Variants in VWCE observed in about 807,000 individuals in gnomAD.
VWCE encodes von Willebrand factor C and EGF domain-containing protein.
VWCE carries 68 observed loss-of-function variants against 102.9 expected under a neutral mutation model. That is an observed-to-expected ratio of 0.66 (90% CI 0.54 to 0.81). The LOEUF (loss-of-function observed/expected upper bound fraction) is 0.81. Ranked by LOEUF, VWCE falls within the 30% of genes least tolerant of loss-of-function variation. The pLI is 0.00. For synonymous variants in VWCE, 497 were observed against 515.4 expected (o/e 0.96, Z 0.48); for missense variants, 1,137 against 1,263.6 (o/e 0.90, Z 1.52).
intron 5 of VWCE, 28 bp downstream of exon 5, chr11:61,286,286 G>A: frequency 6.3e-7 from 1 of 1,595,478 alleles, no homozygotes; most frequent in Non-Finnish European, 8.5e-7. Context: ...ACCCCTCCCA[G>A]AGCAGCCATT....
intron 19 of VWCE, among the ~76,000 whole-genome samples, 175 bp from the exon 20 acceptor site, chr11:61,259,487 C>T (rs1484170058): frequency 2.6e-5 from 4 of 152,266 alleles, no homozygotes; most frequent in South Asian, 2.1e-4. Context: ...GAGCCATGAA[C>T]GGAGGGAGGC....
intron 4 of VWCE, 24 bp downstream of exon 4, chr11:61,290,775 C>A: frequency 6.3e-7 from 1 of 1,584,686 alleles, no homozygotes; most frequent in Non-Finnish European, 8.6e-7. Flanking sequence ...CCTCCCCCTC[C>A]CCCACCACTC....
chr11:61,259,093 G>A lies in VWCE; in HGVS notation c.2450C>T (p.Pro817Leu), dbSNP rs199774187. 2,564 of 1,614,008 alleles carry A rather than the reference G, an allele frequency of 1.6e-3. 58 individuals carry two copies. In the South Asian group the frequency reaches 0.026, roughly 16 times the overall value. The change falls in exon 20 of 20, where the codon CCG (proline) becomes CTG (leucine). Residue 817 changes from proline to leucine, a missense_variant. By Grantham distance (98) the Pro-to-Leu change is moderately conservative. This residue lies in a region of VWCE where 316 missense variants were observed against 319.3 expected (regional missense o/e 0.99). Transcript: ENST00000335613. ...LMKTQTLPTS[P>L]AGAHGPHSLA... ...TGAGTGTGGACCATGAGCTCCTGCC[G>A]GGCTTGTAGGTAAAGTCTGTGTTTT...
At position 61,259,141 on chromosome 11, in the gene VWCE, A is replaced by C; in HGVS notation, c.2402T>G (p.Leu801Arg). ...PSRPVLHLLQ[L>R]LLRTNLMKTQ... Reference sequence around the variant, plus strand: ...TTTCATCAAGTTCGTTCTTAAAAGGAGCTGGAGGAGATGAAGCACCGGCCT... The same window carrying C: ...TTTCATCAAGTTCGTTCTTAAAAGGCGCTGGAGGAGATGAAGCACCGGCCT... The change falls in exon 20 of 20, where the codon CTC becomes CGC. Residue 801 changes from leucine (L) to arginine (R), a missense_variant. Around this residue, in one of 5 missense-constraint regions of VWCE, gnomAD observed 316 missense variants for 319.3 expected, o/e 0.99. Coordinates refer to ENST00000335613, the MANE Select transcript of VWCE (RefSeq NM_152718.2). 5.0e-6 allele frequency: 8 copies of C among 1,614,040 alleles called. No homozygotes were observed. The highest frequency in any genetic ancestry group is 6.8e-6 in the Non-Finnish European group (8 of 1,179,994).
Position 61,258,300 on chromosome 11 carries a change from C to A in VWCE, c.*375G>T. The A allele has an allele frequency of 6.1e-6, 1 of 164,170 alleles. No homozygotes were observed. The highest frequency in any genetic ancestry group is 1.3e-5 in the Non-Finnish European group (1 of 76,320). The allele number at this position is 164,170 out of a possible 1,614,324, so 10.2% of individuals were successfully genotyped here. A position where few individuals can be genotyped will look rare whatever the true frequency, so the allele number is the denominator to read the frequency against. On this transcript the variant is annotated 3_prime_UTR_variant, in exon 20 of 20. Transcript: ENST00000335613. ...GCAGTGCAGCATGGGGAAACCGAGA[C>A]AACCTTTAATCAGGAAACCTCAGAG...
At position 61,271,765 on chromosome 11, in the gene VWCE, A is replaced by G. The variant is rs201767350; in HGVS notation, c.1700-5T>C. On this transcript the variant is annotated splice_polypyrimidine_tract_variant and splice_region_variant and intron_variant, in intron 13 of 19. Coordinates refer to ENST00000335613, the MANE Select transcript of VWCE (RefSeq NM_152718.2). ...CGTTGTCGTCAAGAGAGCAGCCTGG[A>G]TGAGGACAATGGCAGAGAAAAGACG... The G allele has an allele frequency of 1.7e-4, 273 of 1,612,782 alleles. 1 individual carries two copies. Among genetic ancestry groups the G allele is most frequent in the Non-Finnish European group, 2.2e-4 (263 of 1,179,408 alleles).
At chr11:61,273,469 A>C in intron 12 of VWCE, 153 bp from the exon 13 acceptor site, 2 of 719,450 alleles carry the variant, frequency 2.8e-6, no homozygotes, top group East Asian at 3.0e-5. Flanking sequence ...TGACAAAGAA[A>C]TCTCCAAGGA....
At chr11:61,260,801 A>G (rs926156946) in intron 19 of VWCE, among the ~76,000 whole-genome samples, 2 of 152,220 alleles carry the variant, frequency 1.3e-5, no homozygotes, top group Non-Finnish European at 2.9e-5. Context: ...AATACAGCAA[A>G]ATTTTGATGG....
chr11:61,281,871 G>A lies in VWCE; in HGVS notation c.702C>T (p.His234=). 6 of 1,613,928 alleles carry A rather than the reference G, an allele frequency of 3.7e-6. No individual in the cohort carries two copies. Among genetic ancestry groups the A allele is most frequent in the Non-Finnish European group, 4.2e-6 (5 of 1,179,898 alleles). ...TGCCCACGGTGTTGTGGCAGGAATG[G>A]TGACAGACTCGCCTCTCCAATGGCC... ...CRRPLERRVC[H]HSCHNTVGSF... Residue 234 remains histidine, a synonymous_variant, in exon 7 of 20, where the codon CAC becomes CAT. Coordinates refer to ENST00000335613, the MANE Select transcript of VWCE (RefSeq NM_152718.2).
chr11:61,269,139 C>T (rs1211809036), intron 14 of VWCE, 121 bp from the exon 15 acceptor site: 17 of 875,346 alleles, frequency 1.9e-5, no homozygotes, highest in African/African-American at 5.0e-5. Flanking sequence ...GGCAACATGA[C>T]GCGGCTGGAA....
chr11:61,288,149 C>G (rs971380180), intron 4 of VWCE, among the ~76,000 whole-genome samples: 23 of 114,160 alleles, frequency 2.0e-4, no homozygotes, highest in Non-Finnish European at 3.4e-4. Context: ...GAGTGAGACT[C>G]TGTCTCAAAA....
At chr11:61,277,499 G>A (rs974222451) in intron 10 of VWCE, among the ~76,000 whole-genome samples, 1 of 151,876 alleles carries the variant, frequency 6.6e-6, no homozygotes, top group Non-Finnish European at 1.5e-5. Flanking sequence ...TGTGGTCTCA[G>A]CTACCTGGGA....
intron 1 of VWCE, among the ~76,000 whole-genome samples, chr11:61,292,967 C>A (rs1447483709): frequency 7.2e-5 from 11 of 151,824 alleles, no homozygotes; most frequent in Non-Finnish European, 1.5e-4. Flanking sequence ...ACAGGCCGGG[C>A]GCGGTGGCTC....
intron 19 of VWCE, 26 bp from the exon 20 acceptor site, chr11:61,259,338 T>A (rs1854287238): frequency 1.3e-6 from 2 of 1,545,742 alleles, no homozygotes; most frequent in African/African-American, 2.7e-5. Flanking sequence ...TGAAACGAGA[T>A]GCACAATGGC....
chr11:61,269,006 C>A lies in VWCE; in HGVS notation c.1798G>T (p.Val600Leu). 6.2e-7 allele frequency: 1 copy of A among 1,614,092 alleles called. No homozygotes were observed. The highest frequency in any genetic ancestry group is 8.5e-7 in the Non-Finnish European group (1 of 1,180,032). ...ELCICQADGS[V>L]SCKRTDCVDS... is the part of the protein sequence containing the mutation. ...ACACAGTCTGTCCTCTTGCAGCTCA[C>A]CGAGCCATCTGCCTGGAGGAAGGAG... Residue 600 changes from valine (V) to leucine (L), a missense_variant, in exon 15 of 20, where the codon GTG (valine) becomes TTG (leucine). Around this residue, in one of 5 missense-constraint regions of VWCE, gnomAD observed 212 missense variants for 235.1 expected, o/e 0.90. Coordinates refer to ENST00000335613, the MANE Select transcript of VWCE (RefSeq NM_152718.2).
Position 61,286,390 on chromosome 11 carries a change from A to G in VWCE, c.465T>C (p.Cys155=), listed in dbSNP as rs540536045. 6.2e-6 allele frequency: 10 copies of G among 1,612,858 alleles called. No individual in the cohort carries two copies. Among genetic ancestry groups the G allele is most frequent in the Non-Finnish European group, 8.5e-6 (10 of 1,180,036 alleles). ...ACACAAACCCACCTTCTGTGTTCAC[A>G]CAGTGGCCCTCGCAGGAGGAGGTTA... ...ECVTSSCEGH[C]VNTEGGFVCE... Residue 155 remains cysteine, a synonymous_variant, in exon 5 of 20, where the codon TGT becomes TGC. Transcript: ENST00000335613.
intron 13 of VWCE, among the ~76,000 whole-genome samples, chr11:61,272,439 A>C (rs1412087406): frequency 6.6e-5 from 10 of 151,998 alleles, no homozygotes; most frequent in Non-Finnish European, 1.5e-5. Flanking sequence ...AAAAACAGAC[A>C]CATAACATAC....
intron 13 of VWCE, among the ~76,000 whole-genome samples, chr11:61,272,849 C>T (rs1320393996): frequency 6.6e-6 from 1 of 151,728 alleles, no homozygotes; most frequent in Non-Finnish European, 1.5e-5. Flanking sequence ...CCCAGGCACA[C>T]ACAAAAACAC....
rs773767708 is a variant in VWCE, at chr11:61,267,456, C to T, written c.1965+6G>A. ...GGGGCGGGAGTCAGATCTGGGTGGT[C>T]CATACCAGGCAGATGCAGCTCAGAC... On this transcript the variant is annotated splice_donor_region_variant and intron_variant, in intron 16 of 19. Transcript: ENST00000335613. The T allele has an allele frequency of 6.2e-7, 1 of 1,613,862 alleles. No individual in the cohort carries two copies. The highest frequency in any genetic ancestry group is 8.5e-7 in the Non-Finnish European group (1 of 1,179,948).
Sources: gnomAD v4.1 joint callset for allele counts (sites outside exome capture counted in the v4.1 genomes callset) on GRCh38, gnomAD v4.1.1 for gene constraint, gnomAD v4.1.1 regional missense constraint, MANE v1.5 for transcripts, NCBI Gene and HGNC (gene_info 2026-07-23, HGNC 2026-07-21) for gene names.